The following ACBD6 variants were observed in gnomAD, a reference collection of about 807,000 sequenced individuals.
The protein encoded by ACBD6 is acyl-CoA binding domain containing 6, also known as acyl-CoA-binding domain-containing protein 6.
A neutral mutation model predicts 37.2 loss-of-function variants in ACBD6; 28 were observed. That is an observed-to-expected ratio of 0.75 (90% CI 0.56 to 1.03). The LOEUF is 1.03. Among genes scored for constraint, ACBD6 ranks in the 50% least tolerant of loss-of-function variants. ACBD6 has a pLI of 0.00. For missense variants in ACBD6, 340 were observed against 337.4 expected (o/e 1.01, Z -0.06); for synonymous variants, 113 against 126.8 (o/e 0.89, Z 0.73).
intron 2 of ACBD6, 64 bp downstream of exon 2, chr1:180,495,397 T>C (rs1056935333): frequency 5.7e-6 from 7 of 1,230,200 alleles, no homozygotes; most frequent in African/African-American, 4.6e-5. Flanking sequence ...GCTCACTGCT[T>C]TCTAATTCCT....
At chr1:180,481,192 C>T (rs1651029128) in intron 3 of ACBD6, among the ~76,000 whole-genome samples, 1 of 152,062 alleles carries the variant, frequency 6.6e-6, no homozygotes, top group African/African-American at 2.4e-5. Context: ...TAAATCAAAA[C>T]CGACTTCATT....
intron 9 of ACBD6, chr1:180,276,544 A>G (rs1649040922): frequency 6.6e-6 from 1 of 152,200 alleles, no homozygotes. Flanking sequence ...ATTCTGTGCT[A>G]TTGGGAATTC....
In ACBD6 at chr1:180,271,700, T is replaced by C. The variant is rs1249592182; in HGVS notation, c.*1525A>G. On this transcript the variant is annotated 3_prime_UTR_variant, in exon 14 of 14. Transcript: ENST00000642319. Reference sequence around the variant, plus strand: ...CTGAGGCCCACCTGGGGAGAGGGGGTGGGGCGCATCGCACTCCCAGACCTG... The same window carrying C: ...CTGAGGCCCACCTGGGGAGAGGGGGCGGGGCGCATCGCACTCCCAGACCTG... 4.7e-6 allele frequency: 6 copies of C among 1,280,736 alleles called. No homozygotes were observed. The Admixed American group carries it at 8.5e-5, about 18-fold the overall frequency. 79.3% of individuals were successfully genotyped at this position (1,280,736 alleles called of 1,614,324 possible).
At chr1:180,475,994 G>A (rs140555507) in intron 3 of ACBD6, among the ~76,000 whole-genome samples, 41 of 152,206 alleles carry the variant, frequency 2.7e-4, no homozygotes, top group African/African-American at 9.2e-4. Context: ...AAGGAAAAAC[G>A]GGACAACTGG....
intron 4 of ACBD6, among the ~76,000 whole-genome samples, chr1:180,418,050 C>A (rs74866065): frequency 2.7e-5 from 3 of 111,944 alleles, no homozygotes; most frequent in Non-Finnish European, 5.8e-5. Context: ...GTCTAATGTT[C>A]TTTTTAATAT....
chr1:180,313,029 T>C (rs1363979781), intron 7 of ACBD6, among the ~76,000 whole-genome samples: 2 of 152,196 alleles, frequency 1.3e-5, no homozygotes, highest in Non-Finnish European at 2.9e-5. Context: ...GATTTGATCA[T>C]ACAGTTTTTT....
chr1:180,497,032 T>G (rs1651768048), intron 1 of ACBD6, among the ~76,000 whole-genome samples: 1 of 152,230 alleles, frequency 6.6e-6, no homozygotes, highest in South Asian at 2.1e-4. Flanking sequence ...TACTACATCA[T>G]TCTGTCTTAA....
intron 3 of ACBD6, among the ~76,000 whole-genome samples, chr1:180,446,639 A>G (rs1649487629): frequency 6.6e-6 from 1 of 152,220 alleles, no homozygotes; most frequent in Non-Finnish European, 1.5e-5. Flanking sequence ...TAATATTTAT[A>G]AAATTTTTCA....
At chr1:180,471,305 G>A (rs1298879272) in intron 3 of ACBD6, among the ~76,000 whole-genome samples, 1 of 151,888 alleles carries the variant, frequency 6.6e-6, no homozygotes, top group Non-Finnish European at 1.5e-5. Flanking sequence ...AGAAGCTGAG[G>A]TGGGAGGATC....
At chr1:180,407,189 A>G (rs1184588791) in intron 5 of ACBD6, among the ~76,000 whole-genome samples, 1 of 152,234 alleles carries the variant, frequency 6.6e-6, no homozygotes, top group Non-Finnish European at 1.5e-5. Context: ...CATGGCTGAG[A>G]GGGCAGAAAT....
intron 5 of ACBD6, among the ~76,000 whole-genome samples, chr1:180,405,959 T>C (rs1049120903): frequency 5.9e-5 from 9 of 152,152 alleles, no homozygotes; most frequent in Admixed American, 4.6e-4. Context: ...ATATTTTGAA[T>C]TCAATTTTCA....
At chr1:180,442,952 C>T (rs1331027808) in intron 3 of ACBD6, among the ~76,000 whole-genome samples, 1 of 151,892 alleles carries the variant, frequency 6.6e-6, no homozygotes, top group Non-Finnish European at 1.5e-5. Context: ...CCACCATGTA[C>T]TTTTATTGAC....
chr1:180,446,673 A>T (rs892551896), intron 3 of ACBD6, among the ~76,000 whole-genome samples: 3 of 152,228 alleles, frequency 2.0e-5, no homozygotes, highest in Admixed American at 2.0e-4. Flanking sequence ...CCATAAACGT[A>T]TGTTTTTAAC....
intron 3 of ACBD6, among the ~76,000 whole-genome samples, chr1:180,484,106 ACAAG>A (rs931416145): frequency 6.4e-4 from 98 of 152,334 alleles, no homozygotes; most frequent in Admixed American, 6.0e-3. Flanking sequence ...TTATTTATTT[ACAAG>A]CAAGGAAACC....
At chr1:180,422,502 C>G (rs1247541820) in intron 4 of ACBD6, among the ~76,000 whole-genome samples, 1 of 152,188 alleles carries the variant, frequency 6.6e-6, no homozygotes, top group African/African-American at 2.4e-5. Context: ...GCCACCACAC[C>G]TGGCCCATCC....
intron 6 of ACBD6, among the ~76,000 whole-genome samples, chr1:180,320,481 A>AT (rs909576984): frequency 1.3e-5 from 2 of 149,258 alleles, no homozygotes; most frequent in African/African-American, 5.0e-5. Context: ...ATTAAAAAAT[A>AT]TAAAAAAATT....
At chr1:180,442,129 A>G (rs1221074770) in intron 3 of ACBD6, among the ~76,000 whole-genome samples, 1 of 152,126 alleles carries the variant, frequency 6.6e-6, no homozygotes, top group African/African-American at 2.4e-5. Flanking sequence ...CTGTAGTTCT[A>G]CCTTGTTTAT....
chr1:180,443,919 G>A (rs780399691), intron 3 of ACBD6, among the ~76,000 whole-genome samples: 16 of 151,762 alleles, frequency 1.1e-4, no homozygotes, highest in South Asian at 8.3e-4. Context: ...CATCGTGCCC[G>A]GCCATTTCCC....
chr1:180,296,986 T>C (rs2149281487), intron 7 of ACBD6, among the ~76,000 whole-genome samples: 1 of 152,012 alleles, frequency 6.6e-6, no homozygotes, highest in Middle Eastern at 3.4e-3. Flanking sequence ...ATTAGCTGGG[T>C]GTGGTGGCTT....
Sources: allele counts gnomAD v4.1 joint callset (sites outside exome capture counted in the v4.1 genomes callset), GRCh38; gene constraint gnomAD v4.1.1; transcripts MANE v1.5; gene names NCBI Gene and HGNC (gene_info 2026-07-23, HGNC 2026-07-21).